Variants in PLA1A observed in about 807,000 individuals in gnomAD.
PLA1A encodes phosphatidylserine-specific phospholipase A1alpha.
Under a neutral mutation model 49.4 loss-of-function variants are expected in PLA1A, and 47 were observed. That is an observed-to-expected ratio of 0.95 (90% CI 0.75 to 1.21). PLA1A has a LOEUF of 1.21. Ranked by LOEUF, PLA1A falls within the 50% of genes most tolerant of loss-of-function variation. The pLI is 0.00. For synonymous variants in PLA1A, 224 were observed against 207.9 expected, an observed-to-expected ratio of 1.08 and a Z score of -0.67; for missense variants, 561 against 563.9, an observed-to-expected ratio of 0.99 and a Z score of 0.05.
At chr3:119,623,970 C>T (rs1288611692) in intron 8 of PLA1A, among the ~76,000 whole-genome samples, 2 of 152,020 alleles carry the variant, frequency 1.3e-5, no homozygotes, top group Non-Finnish European at 2.9e-5. Flanking sequence ...GGTGATCCAC[C>T]CGCCTTGGCC....
chr3:119,600,350 G>A, intron 1 of PLA1A: 1 of 702,672 alleles, frequency 1.4e-6, no homozygotes. Flanking sequence ...GAGCTTCCAG[G>A]CTGGCTCAGG....
chr3:119,628,010 G>GA (rs1259648092), intron 9 of PLA1A, among the ~76,000 whole-genome samples: 1 of 147,324 alleles, frequency 6.8e-6, no homozygotes, highest in East Asian at 1.9e-4. Context: ...GGGAATCTGG[G>GA]GGGGCAAAGC....
intron 1 of PLA1A, chr3:119,600,198 A>G (rs2082598846): frequency 3.5e-6 from 2 of 577,082 alleles, no homozygotes; most frequent in East Asian, 2.8e-5. Flanking sequence ...GCTGACCCAC[A>G]TGGGCCTCTT....
chr3:119,598,056 C>G, intron 1 of PLA1A, 70 bp downstream of exon 1: 1 of 980,490 alleles, frequency 1.0e-6, no homozygotes. Context: ...ACTACTTATG[C>G]AGTACTAACT....
intron 2 of PLA1A, 42 bp downstream of exon 2, chr3:119,607,017 A>C (rs757792737): frequency 6.8e-7 from 1 of 1,481,288 alleles, no homozygotes; most frequent in Non-Finnish European, 9.4e-7. Context: ...ACTAAGAATG[A>C]TCAAGTAACC....
chr3:119,610,616 G>A (rs905970338), intron 4 of PLA1A, among the ~76,000 whole-genome samples: 1 of 152,152 alleles, frequency 6.6e-6, no homozygotes, highest in African/African-American at 2.4e-5. Flanking sequence ...CTTCTTTCAA[G>A]AAGTCTCTTT....
intron 1 of PLA1A, 82 bp downstream of exon 1, chr3:119,598,068 T>C (rs1360084743): frequency 3.5e-6 from 3 of 856,226 alleles, no homozygotes; most frequent in East Asian, 2.8e-5. Flanking sequence ...GTACTAACTT[T>C]TGGAAGATCC....
At chr3:119,602,800 T>C (rs1307987211) in intron 1 of PLA1A, among the ~76,000 whole-genome samples, 1 of 151,920 alleles carries the variant, frequency 6.6e-6, no homozygotes, top group Non-Finnish European at 1.5e-5. Flanking sequence ...GTAAGGATGA[T>C]TGAGAGAAAT....
At chr3:119,609,684 C>A in intron 4 of PLA1A, 108 bp downstream of exon 4, 1 of 599,464 alleles carries the variant, frequency 1.7e-6, no homozygotes, top group Non-Finnish European at 3.0e-6. Context: ...TTTGTTCTCA[C>A]GATCAAGTCA....
chr3:119,617,089 T>C (rs2082858040), intron 6 of PLA1A, among the ~76,000 whole-genome samples: 1 of 152,228 alleles, frequency 6.6e-6, no homozygotes, highest in Non-Finnish European at 1.5e-5. Context: ...CCTGGAGTTG[T>C]ATACAGCTCA....
intron 4 of PLA1A, among the ~76,000 whole-genome samples, chr3:119,612,038 A>C (rs1347349526): frequency 1.3e-5 from 2 of 152,190 alleles, no homozygotes; most frequent in Non-Finnish European, 2.9e-5. Flanking sequence ...TCAGTTAATA[A>C]GGGACTGGAG....
Position 119,629,416 on chromosome 3 carries a change from A to G in PLA1A, c.1319A>G (p.Asn440Ser). The change falls in exon 11 of 11, where the codon AAC (asparagine) becomes AGC (serine). Residue 440 changes from asparagine (N) to serine (S), a missense_variant. Asn to Ser is a conservative substitution (Grantham distance 46, BLOSUM62 1). Coordinates refer to ENST00000273371, the MANE Select transcript of PLA1A (RefSeq NM_015900.4). The stretch of plus-strand genomic sequence containing the variant: ...ATGGTCTGCTTACCTGAACCAGTGA[A>G]CTTACAAGCAAGTGTGACTGTTTCC... Reference protein sequence around the residue: ...EKMVCLPEPVNLQASVTVSCD... With the variant: ...EKMVCLPEPVSLQASVTVSCD... 6.2e-7 allele frequency: 1 copy of G among 1,612,064 alleles called. No homozygotes were observed. Among genetic ancestry groups the G allele is most frequent in the Non-Finnish European group, 8.5e-7 (1 of 1,178,280 alleles).
intron 5 of PLA1A, among the ~76,000 whole-genome samples, chr3:119,615,347 G>A (rs1033957788): frequency 6.6e-6 from 1 of 152,090 alleles, no homozygotes; most frequent in Non-Finnish European, 1.5e-5. Context: ...ATATGTTTTT[G>A]GGGAGACTGT....
intron 8 of PLA1A, among the ~76,000 whole-genome samples, chr3:119,623,077 C>T (rs1332833166): frequency 6.6e-6 from 1 of 152,168 alleles, no homozygotes; most frequent in Non-Finnish European, 1.5e-5. Flanking sequence ...GATCTGCCTG[C>T]CTTAGCCTCC....
At chr3:119,614,741 T>C (rs1281204799) in intron 5 of PLA1A, among the ~76,000 whole-genome samples, 2 of 137,742 alleles carry the variant, frequency 1.5e-5, no homozygotes, top group African/African-American at 3.1e-5. Context: ...CTGATGTGAC[T>C]TAAAAAAAAA....
chr3:119,607,122 G>T (rs547183548), intron 2 of PLA1A, 147 bp downstream of exon 2: 6 of 665,760 alleles, frequency 9.0e-6, no homozygotes, highest in African/African-American at 1.8e-5. Context: ...CTTTGATGGG[G>T]TCTCATGTCA....
rs1577144148 is a variant in PLA1A, at chr3:119,612,642, C to T, written c.563-375C>T. 2.6e-5 allele frequency among the ~76,000 whole-genome samples: 4 copies of T among 152,196 alleles called. No individual in the cohort carries two copies. In the South Asian group the frequency reaches 8.3e-4, roughly 32 times the overall value. Reference sequence around the variant, plus strand: ...TCGCTGGAACTACAGGCGCCCGCCACTACGCCCAGCTGATTTTTTGTGTTT... The same window carrying T: ...TCGCTGGAACTACAGGCGCCCGCCATTACGCCCAGCTGATTTTTTGTGTTT... On this transcript the variant is annotated intron_variant, in intron 4 of 10. Transcript: ENST00000273371.
At chr3:119,602,481 G>T (rs1160088725) in intron 1 of PLA1A, among the ~76,000 whole-genome samples, 1 of 152,074 alleles carries the variant, frequency 6.6e-6, no homozygotes, top group Non-Finnish European at 1.5e-5. Context: ...TCTACTGTCT[G>T]TATTTATATA....
chr3:119,624,997 C>CTGCT lies in PLA1A; in HGVS notation c.1013-126_1013-123dup, dbSNP rs112679353. 4.0e-3 allele frequency: 2,456 copies of CTGCT among 617,072 alleles called. 33 individuals are homozygous for CTGCT. Among genetic ancestry groups the CTGCT allele is most frequent in the African/African-American group, 0.04 (2,149 of 54,234 alleles). The allele number at this position is 617,072 out of a possible 1,614,324, so 38.2% of individuals were successfully genotyped here. On this transcript the variant is annotated intron_variant, in intron 8 of 10. Coordinates refer to ENST00000273371, the MANE Select transcript of PLA1A (RefSeq NM_015900.4). ...CTGAGGACCTGAGATTATAGGTGAT[C>CTGCT]TGCTCCTGGGCACACAGCCACTAAG...
Sources: gnomAD v4.1 joint callset for allele counts (sites outside exome capture counted in the v4.1 genomes callset) on GRCh38, gnomAD v4.1.1 for gene constraint, MANE v1.5 for transcripts, NCBI Gene and HGNC (gene_info 2026-07-23, HGNC 2026-07-21) for gene names.